Variants in MAGI2 observed in about 807,000 individuals in gnomAD.
MAGI2 encodes the protein membrane-associated guanylate kinase, WW and PDZ domain-containing protein 2.
MAGI2 carries 35 observed loss-of-function variants against 133.3 expected under a neutral mutation model. The observed-to-expected ratio is 0.26, with a 90% CI of 0.20 to 0.35. MAGI2 has a LOEUF of 0.35. Ranked by LOEUF, MAGI2 falls within the 10% of genes least tolerant of loss-of-function variation. The pLI is 1.00. For missense variants in MAGI2, 1,636 were observed against 1,863.4 expected (o/e 0.88, Z 2.25); for synonymous variants, 729 against 710.6 (o/e 1.03, Z -0.41).
chr7:78,508,170 C>A (rs1238197936), intron 4 of MAGI2, among the ~76,000 whole-genome samples: 1 of 152,040 alleles, frequency 6.6e-6, no homozygotes, highest in Non-Finnish European at 1.5e-5. Context: ...TACCCCTACT[C>A]CAGGATGACC....
intron 1 of MAGI2, among the ~76,000 whole-genome samples, chr7:79,409,220 T>TA (rs1299154487): frequency 1.3e-5 from 2 of 150,652 alleles, no homozygotes; most frequent in African/African-American, 4.9e-5. Flanking sequence ...GCCAAAGAAT[T>TA]AAAAAAATTT....
At chr7:78,350,231 C>T (rs1032102340) in intron 7 of MAGI2, 7 of 152,292 alleles carry the variant, frequency 4.6e-5, no homozygotes, top group East Asian at 3.9e-4. Flanking sequence ...TCTTTACATT[C>T]ACTTATCTGC....
intron 2 of MAGI2, among the ~76,000 whole-genome samples, chr7:78,670,607 T>A (rs543038381): frequency 1.3e-5 from 2 of 152,260 alleles, no homozygotes; most frequent in Admixed American, 1.3e-4. Context: ...AGAGCCCGCA[T>A]TGCCAAGTCA....
chr7:78,311,041 C>T (rs1035373466), intron 9 of MAGI2, among the ~76,000 whole-genome samples: 1 of 152,184 alleles, frequency 6.6e-6, no homozygotes, highest in African/African-American at 2.4e-5. Context: ...TCAGTGCCTT[C>T]TAAGTGCTAA....
At chr7:79,025,417 G>A (rs1433422075) in intron 1 of MAGI2, among the ~76,000 whole-genome samples, 1 of 152,106 alleles carries the variant, frequency 6.6e-6, no homozygotes, top group Non-Finnish European at 1.5e-5. Context: ...TATTACCTGG[G>A]TGATGAAGTA....
intron 2 of MAGI2, among the ~76,000 whole-genome samples, chr7:78,664,724 T>C (rs1312593631): frequency 1.9e-5 from 1 of 52,722 alleles, no homozygotes; most frequent in East Asian, 3.4e-4. Context: ...AGATTCTCTT[T>C]ATTCTATTCT....
chr7:78,402,569 C>A (rs1323469571), intron 6 of MAGI2, among the ~76,000 whole-genome samples: 1 of 152,130 alleles, frequency 6.6e-6, no homozygotes, highest in African/African-American at 2.4e-5. Context: ...AATGGTGTTA[C>A]AAAGTTTATG....
chr7:78,168,186 C>G, intron 14 of MAGI2, 78 bp from the exon 15 acceptor site: 2 of 1,332,444 alleles, frequency 1.5e-6, no homozygotes, highest in East Asian at 2.3e-5. Flanking sequence ...AACAGAGTCT[C>G]GCTTCGTTGC....
intron 10 of MAGI2, chr7:78,254,481 A>T (rs1486428962): frequency 6.6e-6 from 1 of 152,232 alleles, no homozygotes; most frequent in African/African-American, 2.4e-5. Flanking sequence ...CCAACATTTA[A>T]TTATGAGAAT....
chr7:78,900,424 C>G (rs2151591091), intron 2 of MAGI2, among the ~76,000 whole-genome samples: 1 of 152,238 alleles, frequency 6.6e-6, no homozygotes. Context: ...GCTTCTATCA[C>G]TCACTCCACT....
chr7:79,109,158 T>C (rs1818698292), intron 1 of MAGI2, among the ~76,000 whole-genome samples: 1 of 152,296 alleles, frequency 6.6e-6, no homozygotes, highest in Non-Finnish European at 1.5e-5. Flanking sequence ...GCTATAAAGA[T>C]ACTTGAAAAT....
chr7:78,453,724 T>C (rs997170323), intron 6 of MAGI2, among the ~76,000 whole-genome samples: 3 of 152,194 alleles, frequency 2.0e-5, no homozygotes, highest in African/African-American at 7.2e-5. Context: ...CCAGATAATT[T>C]CTACCAAAAA....
chr7:78,925,183 C>G (rs145434403), intron 2 of MAGI2, among the ~76,000 whole-genome samples: 1,738 of 152,056 alleles, frequency 0.011, 21 homozygotes, highest in African/African-American at 0.037. Flanking sequence ...GGAAAGCGAC[C>G]TTGAGTTTGC....
chr7:78,561,546 T>C (rs1341782184), intron 3 of MAGI2, among the ~76,000 whole-genome samples: 1 of 151,932 alleles, frequency 6.6e-6, no homozygotes, highest in Non-Finnish European at 1.5e-5. Context: ...CAATTAAAAG[T>C]AATGGCAAAA....
At chr7:78,548,399 G>A (rs1799049897) in intron 3 of MAGI2, among the ~76,000 whole-genome samples, 1 of 152,126 alleles carries the variant, frequency 6.6e-6, no homozygotes, top group African/African-American at 2.4e-5. Flanking sequence ...TGTATTTTAA[G>A]ATTGCTTTCA....
At chr7:78,557,095 AAAAAAG>A (rs1563165562) in intron 3 of MAGI2, among the ~76,000 whole-genome samples, 42 of 147,890 alleles carry the variant, frequency 2.8e-4, no homozygotes, top group African/African-American at 9.1e-4. Context: ...AAAAAAAAAA[AAAAAAG>A]AAAAAGAAAA....
chr7:79,022,620 T>C (rs1351731854), intron 1 of MAGI2, among the ~76,000 whole-genome samples: 1 of 129,884 alleles, frequency 7.7e-6, no homozygotes, highest in Non-Finnish European at 1.6e-5. Flanking sequence ...CTAGCTAGAC[T>C]AGTAAGTTTA....
intron 1 of MAGI2, among the ~76,000 whole-genome samples, chr7:79,277,472 A>G (rs978074992): frequency 6.6e-6 from 1 of 152,146 alleles, no homozygotes; most frequent in East Asian, 1.9e-4. Context: ...TCTGGACCCA[A>G]CTCTGTAATA....
chr7:78,826,787 G>C (rs998224528), intron 2 of MAGI2, among the ~76,000 whole-genome samples: 2 of 152,122 alleles, frequency 1.3e-5, no homozygotes, highest in African/African-American at 4.8e-5. Context: ...TGACCTAAGT[G>C]ACTGAAATTG....
Sources: allele counts gnomAD v4.1 joint callset (sites outside exome capture counted in the v4.1 genomes callset), GRCh38; gene constraint gnomAD v4.1.1; transcripts MANE v1.5; gene names NCBI Gene and HGNC (gene_info 2026-07-23, HGNC 2026-07-21).